The following TLE2 variants were observed in gnomAD, a reference collection of about 807,000 sequenced individuals.
The protein encoded by TLE2 is transducin-like enhancer protein 2.
Under a neutral mutation model 97.2 loss-of-function variants are expected in TLE2, and 74 were observed. The ratio of observed to expected loss-of-function variants is 0.76; its 90% CI spans 0.63 to 0.92. TLE2 has a LOEUF of 0.92. Ranked by LOEUF, TLE2 falls within the 40% of genes least tolerant of loss-of-function variation. The pLI is 0.00. For missense variants in TLE2, 1,038 were observed against 1,008.7 expected (o/e 1.03, Z -0.39); for synonymous variants, 499 against 432.1 (o/e 1.15, Z -1.92).
At chr19:3,024,948 C>G (rs533189911) in intron 5 of TLE2, 72 bp downstream of exon 5, 1 of 1,386,902 alleles carries the variant, frequency 7.2e-7, no homozygotes, top group African/African-American at 1.4e-5. Flanking sequence ...GGGGCGTCCT[C>G]GCCCAGACCT....
chr19:3,000,403 T>A (rs1286456205), intron 19 of TLE2, among the ~76,000 whole-genome samples: 1 of 152,050 alleles, frequency 6.6e-6, no homozygotes, highest in Non-Finnish European at 1.5e-5. Flanking sequence ...TAATATTATA[T>A]GCATGTTACT....
At position 2,998,307 on chromosome 19, in the gene TLE2, T is replaced by G. The variant is rs371659827; in HGVS notation, c.2125-352A>C. 4.2e-4 allele frequency among the ~76,000 whole-genome samples: 62 copies of G among 149,034 alleles called. 1 individual carries two copies. The East Asian group carries it at 7.4e-3, about 18-fold the overall frequency. On this transcript the variant is annotated intron_variant, in intron 19 of 19. Transcript: ENST00000262953. ...TTTTTTTTTTTTGTGAGACAGGGTC[T>G]AACTCTGTTGCCCAGGCTAGAGTGC...
chr19:3,006,282 C>G, intron 15 of TLE2, 138 bp downstream of exon 15: 1 of 1,367,856 alleles, frequency 7.3e-7, no homozygotes, highest in Non-Finnish European at 1.0e-6. Context: ...CATGCGACTA[C>G]GAGCTCCGCC....
chr19:3,037,395 TACCCTA>T (rs1372999334), intron 1 of TLE2, among the ~76,000 whole-genome samples: 2 of 152,222 alleles, frequency 1.3e-5, no homozygotes, highest in African/African-American at 4.8e-5. Context: ...GCCTTTAGAT[TACCCTA>T]ACCCTAAGTG....
chr19:2,999,987 C>A (rs141028943), intron 19 of TLE2, among the ~76,000 whole-genome samples: 1 of 141,680 alleles, frequency 7.1e-6, no homozygotes, highest in African/African-American at 2.6e-5. Flanking sequence ...GAGCCGAGAT[C>A]GCAACACTGC....
chr19:3,009,882 T>C (rs2089556303), intron 12 of TLE2, among the ~76,000 whole-genome samples, 180 bp from the exon 13 acceptor site: 1 of 42,318 alleles, frequency 2.4e-5, no homozygotes, highest in Non-Finnish European at 4.2e-5. Context: ...CGACTTTCTC[T>C]CTCTCTTTTT....
chr19:3,003,123 AGAC>A (rs781211060), intron 17 of TLE2, among the ~76,000 whole-genome samples: 16 of 152,210 alleles, frequency 1.1e-4, no homozygotes, highest in Admixed American at 3.3e-4. Context: ...GGAACACAGC[AGAC>A]AACTGCATGT....
chr19:3,028,044 G>A (rs1268989277), intron 3 of TLE2, among the ~76,000 whole-genome samples, 171 bp from the exon 4 acceptor site: 4 of 152,062 alleles, frequency 2.6e-5, no homozygotes, highest in African/African-American at 7.2e-5. Flanking sequence ...GCTCTGCCTG[G>A]AAGGGCCCCC....
chr19:2,997,779 A>G lies in TLE2; in HGVS notation c.*69T>C. 8.4e-7 allele frequency: 1 copy of G among 1,188,350 alleles called. No homozygotes were observed. Among genetic ancestry groups the G allele is most frequent in the Non-Finnish European group, 1.2e-6 (1 of 815,876 alleles). 73.6% of individuals were successfully genotyped at this position (1,188,350 alleles called of 1,614,324 possible). A position where few individuals can be genotyped will look rare whatever the true frequency, so the allele number is the denominator to read the frequency against. On this transcript the variant is annotated 3_prime_UTR_variant, in exon 20 of 20. Coordinates refer to ENST00000262953, the MANE Select transcript of TLE2 (RefSeq NM_003260.5). The stretch of plus-strand genomic sequence containing the variant: ...TAGGCAGGGCTGGGAGGCGGCTGCT[A>G]GGATGTCTGTCCTGGCTGCTGATTC...
intron 3 of TLE2, 140 bp from the exon 4 acceptor site, chr19:3,028,013 G>T: frequency 1.1e-6 from 1 of 886,340 alleles, no homozygotes; most frequent in South Asian, 1.6e-5. Context: ...GCTCCACGGG[G>T]TCCCAGAGGA....
At chr19:3,046,027 G>A (rs577258086), upstream of TLE2, among the ~76,000 whole-genome samples, 1 of 152,178 alleles carries the variant, frequency 6.6e-6, no homozygotes, top group South Asian at 2.1e-4. Context: ...GGACAACACA[G>A]CCGGTATTAC....
rs1332270341 is a variant in TLE2 at position 3,019,742 on chromosome 19, C to T, written c.326G>A (p.Arg109His). Residue 109 changes from arginine to histidine, a missense_variant, in exon 6 of 20, where the codon CGC (arginine) becomes CAC (histidine). Arg to His is a conservative substitution (Grantham distance 29). Coordinates refer to ENST00000262953, the MANE Select transcript of TLE2 (RefSeq NM_003260.5). The surrounding 1 kb of genome is among the most constrained non-coding windows in gnomAD (Gnocchi z 5.1). The part of the protein sequence containing the change: ...HQQQVLQAVE[R>H]AKQVTVGELN... ...CTCCCCCACGGTGACCTGCTTGGCGCGTTCTACGGCCTGGAGCACCTGCTG... is the reference window on the plus strand; with the variant it reads ...CTCCCCCACGGTGACCTGCTTGGCGTGTTCTACGGCCTGGAGCACCTGCTG... 4 of 1,613,072 alleles carry T rather than the reference C, an allele frequency of 2.5e-6. No individual in the cohort carries two copies. The highest frequency in any genetic ancestry group is 2.7e-5 in the African/African-American group (2 of 74,920).
At chr19:2,998,086 T>C (rs2089256800) in intron 19 of TLE2, 131 bp from the exon 20 acceptor site, 1 of 644,482 alleles carries the variant, frequency 1.6e-6, no homozygotes, top group African/African-American at 1.8e-5. Flanking sequence ...GTTTCTTTTT[T>C]TGAGATGGAG....
In TLE2 at chr19:3,015,143, G is replaced by A. The variant is rs549951792; in HGVS notation, c.678+510C>T. Among the ~76,000 whole-genome samples, 5 of 151,194 alleles carry A rather than the reference G, an allele frequency of 3.3e-5. No individual in the cohort carries two copies. The South Asian group carries it at 1.0e-3, about 32-fold the overall frequency. On this transcript the variant is annotated intron_variant, in intron 9 of 19. Transcript: ENST00000262953. ...AGCAATATTGGCCCACCCTGAGCCT[G>A]CCAGTCTCCGGGGATCAAGTTGCAG...
rs2089249908 is a variant in TLE2 at position 2,997,860 on chromosome 19, C to T, written c.2220G>A (p.Glu740=). The T allele has an allele frequency of 6.2e-7, 1 of 1,608,646 alleles. No homozygotes were observed. Among genetic ancestry groups the T allele is most frequent in the South Asian group, 1.1e-5 (1 of 89,778 alleles). ...GSGDKKATVY[E]VVY is the part of the protein sequence containing the mutation. The stretch of plus-strand genomic sequence containing the variant: ...GGGGGGTCATGTCTCAGTAGACCAC[C>T]TCATACACGGTGGCCTTCTTGTCCC... The change falls in exon 20 of 20, where the codon GAG becomes GAA. Residue 740 remains glutamate, a synonymous_variant. Coordinates refer to ENST00000262953, the MANE Select transcript of TLE2 (RefSeq NM_003260.5).
Position 3,014,620 on chromosome 19 carries a change from G to A in TLE2, c.679-6C>T, listed in dbSNP as rs1400258308. The A allele has an allele frequency of 1.3e-6, 2 of 1,590,064 alleles. No individual in the cohort carries two copies. Among genetic ancestry groups the A allele is most frequent in the South Asian group, 1.1e-5 (1 of 87,198 alleles). Reference sequence around the variant, plus strand: ...CTCTTGTCTTCGTCGCTTTCCTGGGGGAAGATGGGGGAGAGAGCTCATTGT... The same window carrying A: ...CTCTTGTCTTCGTCGCTTTCCTGGGAGAAGATGGGGGAGAGAGCTCATTGT... On this transcript the variant is annotated splice_region_variant and splice_polypyrimidine_tract_variant and intron_variant, in intron 9 of 19. Transcript: ENST00000262953.
At chr19:3,005,308 A>G in intron 17 of TLE2, 129 bp downstream of exon 17, 4 of 1,296,302 alleles carry the variant, frequency 3.1e-6, no homozygotes, top group Non-Finnish European at 4.1e-6. Context: ...GGGGGACAAG[A>G]AAGATGGACA....
intron 1 of TLE2, among the ~76,000 whole-genome samples, chr19:3,044,803 G>A (rs889891536): frequency 2.0e-5 from 3 of 152,214 alleles, no homozygotes; most frequent in Non-Finnish European, 2.9e-5. Flanking sequence ...AGGATCTATA[G>A]TAGAAACCCA....
intron 17 of TLE2, among the ~76,000 whole-genome samples, chr19:3,002,843 T>C (rs2089394827): frequency 6.6e-6 from 1 of 152,058 alleles, no homozygotes; most frequent in Admixed American, 6.6e-5. Flanking sequence ...GGATTACAGG[T>C]ACCTGCTAGT....
Sources: gnomAD v4.1 joint callset for allele counts (sites outside exome capture counted in the v4.1 genomes callset) on GRCh38, gnomAD v4.1.1 for gene constraint, Gnocchi (gnomAD v3.1) non-coding constraint, MANE v1.5 for transcripts, NCBI Gene and HGNC (gene_info 2026-07-23, HGNC 2026-07-21) for gene names.